RBM47: variants seen among roughly 807,000 people sequenced by gnomAD.
RBM47 encodes the protein RNA-binding protein 47.
In RBM47, 21 loss-of-function variants were observed where a neutral mutation model predicts 47.1. The observed-to-expected ratio is 0.45, with a 90% confidence interval of 0.32 to 0.64. RBM47 has a LOEUF of 0.64. RBM47 is among the 30% of genes least tolerant of loss of function. The probability of loss-of-function intolerance (pLI) is 0.05; values close to 1 mark genes in which losing one functional copy is unlikely to be tolerated. For synonymous variants in RBM47, 375 were observed against 361.7 expected (o/e 1.04, Z -0.42); for missense variants, 708 against 870.9 (o/e 0.81, Z 2.35).
At chr4:40,495,211 G>T (rs1722409630) in intron 2 of RBM47, among the ~76,000 whole-genome samples, 1 of 152,104 alleles carries the variant, frequency 6.6e-6, no homozygotes, top group Non-Finnish European at 1.5e-5. Flanking sequence ...TATGGGGATG[G>T]GATGACCGAG....
At chr4:40,531,026 G>T (rs1727335335) in intron 2 of RBM47, among the ~76,000 whole-genome samples, 1 of 152,186 alleles carries the variant, frequency 6.6e-6, no homozygotes, top group Non-Finnish European at 1.5e-5. Flanking sequence ...TTGAGCCCTG[G>T]AGGTAGAAGC....
chr4:40,437,117 C>A (rs28515008), intron 4 of RBM47, among the ~76,000 whole-genome samples: 14 of 53,236 alleles, frequency 2.6e-4, no homozygotes, highest in African/African-American at 3.4e-4. Flanking sequence ...ATATAAAATA[C>A]ATATATATAT....
At chr4:40,510,445 C>G (rs1724777246) in intron 2 of RBM47, among the ~76,000 whole-genome samples, 1 of 152,118 alleles carries the variant, frequency 6.6e-6, no homozygotes, top group Non-Finnish European at 1.5e-5. Context: ...GATACAGTAG[C>G]AAGTTAGACA....
intron 2 of RBM47, among the ~76,000 whole-genome samples, chr4:40,529,515 CAAAAAAAAA>C (rs56381747): frequency 1.7e-3 from 32 of 18,336 alleles, no homozygotes; most frequent in African/African-American, 4.9e-3. Context: ...GACTCTGTCA[CAAAAAAAAA>C]AAAAAAAAAA....
At chr4:40,569,432 C>T (rs1240777512) in intron 1 of RBM47, among the ~76,000 whole-genome samples, 4 of 144,644 alleles carry the variant, frequency 2.8e-5, no homozygotes, top group Admixed American at 6.9e-5. Flanking sequence ...TTTTTTGAGA[C>T]GGAGTCTGGC....
Position 40,423,935 on chromosome 4 carries a change from C to A in RBM47, c.*1969G>T, listed in dbSNP as rs1714703380. 6.6e-6 allele frequency: 1 copy of A among 152,376 alleles called. No homozygotes were observed. Among genetic ancestry groups the A allele is most frequent in the Non-Finnish European group, 1.5e-5 (1 of 67,988 alleles). The allele number at this position is 152,376 out of a possible 1,614,324, so 9.4% of individuals were successfully genotyped here. Reference sequence around the variant, plus strand: ...ATTCCCACAGATTTGAGTTTGAATGCAGCTTGTGGGGTACATCATCAGGAA... The same window carrying A: ...ATTCCCACAGATTTGAGTTTGAATGAAGCTTGTGGGGTACATCATCAGGAA... On this transcript the variant is annotated 3_prime_UTR_variant, in exon 7 of 7. Coordinates refer to ENST00000295971, the MANE Select transcript of RBM47 (RefSeq NM_001098634.2).
At chr4:40,477,005 C>T (rs921784260) in intron 2 of RBM47, among the ~76,000 whole-genome samples, 4 of 152,060 alleles carry the variant, frequency 2.6e-5, no homozygotes, top group South Asian at 4.2e-4. Context: ...GAGGCGGAGG[C>T]GGGTGGATCA....
At chr4:40,531,284 C>A (rs1727362824) in intron 2 of RBM47, among the ~76,000 whole-genome samples, 1 of 151,884 alleles carries the variant, frequency 6.6e-6, no homozygotes, top group Non-Finnish European at 1.5e-5. Context: ...TGGCCACAGA[C>A]TAGCTGAGCT....
rs867540653 is a variant in RBM47, at chr4:40,438,053, G to A, written c.841C>T (p.Arg281Cys). 4 of 1,613,754 alleles carry A rather than the reference G, an allele frequency of 2.5e-6. No individual in the cohort carries two copies. The highest frequency in any genetic ancestry group is 1.1e-5 in the South Asian group (1 of 91,082). Residue 281 changes from arginine to cysteine, a missense_variant, in exon 4 of 7, where the codon CGC (arginine) becomes TGC (cysteine). Physicochemically the swap from Arg to Cys is radical, Grantham distance 180. Transcript: ENST00000295971. The part of the protein sequence containing the change: ...PGCVERVKKI[R>C]DYAFVHFTSR... ...GTGAAGTGCACGAAGGCGTAGTCGC[G>A]GATCTTCTTGACGCGCTCCACGCAG...
intron 1 of RBM47, among the ~76,000 whole-genome samples, chr4:40,552,790 T>C (rs1729687411): frequency 6.6e-6 from 1 of 152,150 alleles, no homozygotes; most frequent in Non-Finnish European, 1.5e-5. Context: ...TTCTGGCCGT[T>C]TCTTAAACAA....
chr4:40,549,349 C>T (rs1185902557), intron 1 of RBM47, among the ~76,000 whole-genome samples: 2 of 152,160 alleles, frequency 1.3e-5, no homozygotes, highest in African/African-American at 2.4e-5. Context: ...GCCTCTGCCT[C>T]CCAAAGTGCT....
intron 2 of RBM47, among the ~76,000 whole-genome samples, chr4:40,507,374 T>C (rs761045258): frequency 4.4e-4 from 67 of 152,304 alleles, no homozygotes; most frequent in Non-Finnish European, 5.9e-4. Flanking sequence ...TATTTCCTTA[T>C]GTATACACAC....
chr4:40,549,112 G>T lies in RBM47; in HGVS notation c.-239-4606C>A, dbSNP rs189045248. Among the ~76,000 whole-genome samples, 241 of 150,868 alleles carry T rather than the reference G, an allele frequency of 1.6e-3. 1 individual carries two copies. The highest frequency in any genetic ancestry group is 5.0e-3 in the African/African-American group (206 of 41,056). On this transcript the variant is annotated intron_variant, in intron 1 of 6. Coordinates refer to ENST00000295971, the MANE Select transcript of RBM47 (RefSeq NM_001098634.2). ...TGTACCTCAGTTTCTTTTTTTTTGG[G>T]GGGGGGGACACAGAGCCTTGCTCTG...
At chr4:40,612,040 GTC>G (rs1280057616) in intron 1 of RBM47, among the ~76,000 whole-genome samples, 3 of 152,192 alleles carry the variant, frequency 2.0e-5, no homozygotes, top group African/African-American at 7.2e-5. Flanking sequence ...AGAATGAAGG[GTC>G]AAGAGCGTTG....
At chr4:40,580,760 C>A (rs1399974327) in intron 1 of RBM47, among the ~76,000 whole-genome samples, 1 of 152,190 alleles carries the variant, frequency 6.6e-6, no homozygotes, top group Non-Finnish European at 1.5e-5. Flanking sequence ...TACATAAAGG[C>A]AGAGACAGGA....
In RBM47 at chr4:40,425,960, C is replaced by T. The variant is rs777559788; in HGVS notation, c.1726G>A (p.Ala576Thr). 6 of 1,614,170 alleles carry T rather than the reference C, an allele frequency of 3.7e-6. No individual in the cohort carries two copies. Among genetic ancestry groups the T allele is most frequent in the African/African-American group, 1.3e-5 (1 of 75,030 alleles). Residue 576 changes from alanine (A) to threonine (T), a missense_variant, in exon 7 of 7, where the codon GCC becomes ACC. Physicochemically the swap from Ala to Thr is moderately conservative, Grantham distance 58. Transcript: ENST00000295971. The part of the protein sequence containing the change: ...YGGYAGYIPQ[A>T]FPAAAIQVPI... Reference sequence around the variant, plus strand: ...ACCTGAATGGCAGCAGCAGGGAAGGCCTGAGGTATGTAGCCTGCGTATCCT... The same window carrying T: ...ACCTGAATGGCAGCAGCAGGGAAGGTCTGAGGTATGTAGCCTGCGTATCCT...
intron 2 of RBM47, among the ~76,000 whole-genome samples, chr4:40,502,523 G>A (rs1723510862): frequency 6.6e-6 from 1 of 152,196 alleles, no homozygotes; most frequent in Admixed American, 6.5e-5. Context: ...TCGTGAATCA[G>A]TAAGACTCCA....
In RBM47 at chr4:40,555,514, G is replaced by A. The variant is rs149129348; in HGVS notation, c.-239-11008C>T. 1.3e-3 allele frequency among the ~76,000 whole-genome samples: 196 copies of A among 152,324 alleles called. 1 individual carries two copies. The highest frequency in any genetic ancestry group is 4.4e-3 in the African/African-American group (182 of 41,570). ...AGTGGTATTAAGCAACACAGGGTAC[G>A]TGCAACATATTATCTTTCTAAAATC... On this transcript the variant is annotated intron_variant, in intron 1 of 6. Coordinates refer to ENST00000295971, the MANE Select transcript of RBM47 (RefSeq NM_001098634.2).
chr4:40,515,186 C>T (rs962952840), intron 2 of RBM47, among the ~76,000 whole-genome samples: 9 of 152,158 alleles, frequency 5.9e-5, no homozygotes, highest in Non-Finnish European at 8.8e-5. Context: ...TGAAGGATAA[C>T]AGAAACTTGC....
Sources: allele counts gnomAD v4.1 joint callset (sites outside exome capture counted in the v4.1 genomes callset), GRCh38; gene constraint gnomAD v4.1.1; transcripts MANE v1.5; gene names NCBI Gene and HGNC (gene_info 2026-07-23, HGNC 2026-07-21).